Variants in USF1 observed in about 807,000 individuals in gnomAD.
USF1 encodes the protein upstream stimulatory factor 1.
A neutral mutation model predicts 46.3 loss-of-function variants in USF1; 22 were observed. The observed-to-expected ratio is 0.47, with a 90% CI of 0.34 to 0.68. The LOEUF (loss-of-function observed/expected upper bound fraction) is 0.68, where lower values mean the gene tolerates loss of function less well. Ranked by LOEUF, USF1 falls within the 30% of genes least tolerant of loss-of-function variation. The probability of loss-of-function intolerance (pLI) is 0.01; values close to 1 mark genes in which losing one functional copy is unlikely to be tolerated. For synonymous variants in USF1, 150 were observed against 147.0 expected (o/e 1.02, Z -0.15); for missense variants, 287 against 399.3 (o/e 0.72, Z 2.40).
chr1:161,039,814 C>G lies in USF1; in HGVS notation c.*106G>C. On this transcript the variant is annotated 3_prime_UTR_variant, in exon 11 of 11. Coordinates refer to ENST00000368021, the MANE Select transcript of USF1 (RefSeq NM_007122.5). ...AAGGACACACCTTCTGAACTTCCCC[C>G]TGTCCCATGCCAGAAGTGGGGCAGT... 7 of 1,200,824 alleles carry G rather than the reference C, an allele frequency of 5.8e-6. No homozygotes were observed. Among genetic ancestry groups the G allele is most frequent in the Non-Finnish European group, 8.4e-6 (7 of 833,508 alleles). The allele number at this position is 1,200,824 out of a possible 1,614,324, so 74.4% of individuals were successfully genotyped here.
chr1:161,042,678 A>G lies in USF1; in HGVS notation c.59-8T>C. On this transcript the variant is annotated splice_polypyrimidine_tract_variant and splice_region_variant and intron_variant, in intron 3 of 10. Coordinates refer to ENST00000368021, the MANE Select transcript of USF1 (RefSeq NM_007122.5). Reference sequence around the variant, plus strand: ...CCCCAGTAGCCACTGCACCTGAATTAAAAGAACAAAGGAAAAGTCTGTGAG... The same window carrying G: ...CCCCAGTAGCCACTGCACCTGAATTGAAAGAACAAAGGAAAAGTCTGTGAG... 6.2e-7 allele frequency: 1 copy of G among 1,614,172 alleles called. No homozygotes were observed. Among genetic ancestry groups the G allele is most frequent in the Non-Finnish European group, 8.5e-7 (1 of 1,179,988 alleles).
At chr1:161,044,921 C>G (rs1278000361) in intron 1 of USF1, 1 of 152,294 alleles carries the variant, frequency 6.6e-6, no homozygotes. Context: ...CCTTTCCTAT[C>G]CAAGGAAAAT....
chr1:161,039,844 G>T lies in USF1; in HGVS notation c.*76C>A. 1 of 1,504,416 alleles carries T rather than the reference G, an allele frequency of 6.6e-7. No individual in the cohort carries two copies. Among genetic ancestry groups the T allele is most frequent in the Non-Finnish European group, 9.2e-7 (1 of 1,088,312 alleles). 93.2% of individuals were successfully genotyped at this position (1,504,416 alleles called of 1,614,324 possible). ...CCATGCCAGAAGTGGGGCAGTGAAG[G>T]AAAGGGGCACGGGATTAGGCTGTTG... On this transcript the variant is annotated 3_prime_UTR_variant, in exon 11 of 11. Coordinates refer to ENST00000368021, the MANE Select transcript of USF1 (RefSeq NM_007122.5).
At chr1:161,045,574 C>T (rs1351343832) in intron 1 of USF1, among the ~76,000 whole-genome samples, 5 of 152,196 alleles carry the variant, frequency 3.3e-5, no homozygotes, top group African/African-American at 1.2e-4. Flanking sequence ...GCGGAGGAGG[C>T]AGGAAAGGGC....
intron 1 of USF1, chr1:161,045,020 G>C (rs1328381162): frequency 6.6e-6 from 1 of 152,238 alleles, no homozygotes; most frequent in Non-Finnish European, 1.5e-5. Context: ...AAGTAACGCT[G>C]CAAGGAGATC....
At position 161,043,377 on chromosome 1, in the gene USF1, A is replaced by G. The variant is rs1236883097; in HGVS notation, c.-85-17T>C. 1.2e-5 allele frequency: 19 copies of G among 1,585,194 alleles called. No homozygotes were observed. The highest frequency in any genetic ancestry group is 1.6e-5 in the Non-Finnish European group (19 of 1,158,362). ...TGCTAAGTCCTGGTAGAAATCATGA[A>G]GTTTGCAATGAGTTTAGGAAACAGA... On this transcript the variant is annotated splice_polypyrimidine_tract_variant and intron_variant, in intron 1 of 10. Coordinates refer to ENST00000368021, the MANE Select transcript of USF1 (RefSeq NM_007122.5).
Position 161,040,990 on chromosome 1 carries a change from G to A in USF1, c.561-118C>T. 7.6e-7 allele frequency: 1 copy of A among 1,319,288 alleles called. No individual in the cohort carries two copies. Among genetic ancestry groups the A allele is most frequent in the East Asian group, 2.4e-5 (1 of 41,558 alleles). 81.7% of individuals were successfully genotyped at this position (1,319,288 alleles called of 1,614,324 possible). On this transcript the variant is annotated intron_variant, in intron 7 of 10. Transcript: ENST00000368021. This position sits in a 1 kb window ranked among gnomAD's most constrained non-coding sequence, Gnocchi z 4.0. ...AGGACCACTTATGGTAGCTAGGTGT[G>A]GTGTCTCACACCTGTAATCCCAGCA...
At position 161,041,946 on chromosome 1, in the gene USF1, G is replaced by GGAGAGA. The variant is rs144100508; in HGVS notation, c.277-106_277-101dup. ...TATCCGTTGGGGTGGTAGGTAGGGT[G>GGAGAGA]GAGAGAGAGAGAGAGAGAGAGAGAA... On this transcript the variant is annotated intron_variant, in intron 5 of 10. Coordinates refer to ENST00000368021, the MANE Select transcript of USF1 (RefSeq NM_007122.5). The GGAGAGA allele has an allele frequency of 3.2e-5, 39 of 1,222,284 alleles. No homozygotes were observed. The African/African-American group carries it at 4.4e-4, about 14-fold the overall frequency. The allele number at this position is 1,222,284 out of a possible 1,614,324, so 75.7% of individuals were successfully genotyped here.
chr1:161,042,655 C>T lies in USF1; in HGVS notation c.74G>A (p.Gly25Glu). The change falls in exon 4 of 11, where the codon GGG (glycine) becomes GAG (glutamate). Residue 25 changes from glycine (G) to glutamate (E), a missense_variant. Transcript: ENST00000368021. Reference sequence around the variant, plus strand: ...AATAGCCACACTGGTTGGGTCTTCCCCAGTAGCCACTGCACCTGAATTAAA... The same window carrying T: ...AATAGCCACACTGGTTGGGTCTTCCTCAGTAGCCACTGCACCTGAATTAAA... ...VQIQEGAVAT[G>E]EDPTSVAIAS... The T allele has an allele frequency of 6.2e-7, 1 of 1,614,182 alleles. No individual in the cohort carries two copies. The highest frequency in any genetic ancestry group is 8.5e-7 in the Non-Finnish European group (1 of 1,180,044).
At position 161,042,614 on chromosome 1, in the gene USF1, C is replaced by T. The variant is rs747337778; in HGVS notation, c.115G>A (p.Ala39Thr). 3 of 1,614,266 alleles carry T rather than the reference C, an allele frequency of 1.9e-6. No individual in the cohort carries two copies. Among genetic ancestry groups the T allele is most frequent in the Non-Finnish European group, 8.5e-7 (1 of 1,180,046 alleles). Residue 39 changes from alanine to threonine, a missense_variant, in exon 4 of 11, where the codon GCT becomes ACT. Transcript: ENST00000368021. ...TSVAIASIQS[A>T]ATFPDPNVKY... ...ACGTTGGGGTCAGGGAAGGTGGCAG[C>T]TGACTGGATGCTGGCAATAGCCACA... is the stretch of plus-strand genomic sequence containing the variant.
At chr1:161,041,565 G>T (rs2073656) in intron 6 of USF1, 86 bp downstream of exon 6, 1 of 1,524,098 alleles carries the variant, frequency 6.6e-7, no homozygotes, top group Non-Finnish European at 8.9e-7. Context: ...ATCACTAAGA[G>T]TCATGAGTGA....
intron 1 of USF1, among the ~76,000 whole-genome samples, chr1:161,045,213 G>T (rs983414385): frequency 5.3e-5 from 8 of 152,188 alleles, no homozygotes; most frequent in Non-Finnish European, 5.9e-5. Flanking sequence ...AGTCTCTGAG[G>T]ACACCCAGCA....
Position 161,040,468 on chromosome 1 carries a change from GGAGA to G in USF1, c.714+104_714+107del. ...TCTCCCAGGGATACAGGAACCTCAG[GGAGA>G]GATAAGACTACTGTCATGTGTGCCC... On this transcript the variant is annotated intron_variant, in intron 9 of 10. Coordinates refer to ENST00000368021, the MANE Select transcript of USF1 (RefSeq NM_007122.5). This position sits in a 1 kb window ranked among gnomAD's most constrained non-coding sequence, Gnocchi z 4.0. 1 of 1,554,576 alleles carries G rather than the reference GGAGA, an allele frequency of 6.4e-7. No homozygotes were observed. The highest frequency in any genetic ancestry group is 8.7e-7 in the Non-Finnish European group (1 of 1,145,124).
chr1:161,039,721 C>T lies in USF1; in HGVS notation c.*199G>A, dbSNP rs1247577770. 9.9e-6 allele frequency: 6 copies of T among 603,664 alleles called. No individual in the cohort carries two copies. The highest frequency in any genetic ancestry group is 3.7e-5 in the African/African-American group (2 of 53,834). The allele number at this position is 603,664 out of a possible 1,614,324, so 37.4% of individuals were successfully genotyped here. On this transcript the variant is annotated 3_prime_UTR_variant, in exon 11 of 11. Coordinates refer to ENST00000368021, the MANE Select transcript of USF1 (RefSeq NM_007122.5). ...GGCTGCATGGTGGGGGTGGGCAAGG[C>T]TGTCAGTGCACGTCCACATTGTGTG...
Position 161,039,562 on chromosome 1 carries a change from C to T in USF1, c.*358G>A. ...GGAAGTGCCAGAGTCCTGGGGCAAGCCAGAGCATCACCTGTCAGCAAACCT... is the reference window on the plus strand; with the variant it reads ...GGAAGTGCCAGAGTCCTGGGGCAAGTCAGAGCATCACCTGTCAGCAAACCT... On this transcript the variant is annotated 3_prime_UTR_variant, in exon 11 of 11. Coordinates refer to ENST00000368021, the MANE Select transcript of USF1 (RefSeq NM_007122.5). 4.3e-6 allele frequency: 1 copy of T among 232,458 alleles called. No individual in the cohort carries two copies. The highest frequency in any genetic ancestry group is 8.5e-6 in the Non-Finnish European group (1 of 117,646). The allele number at this position is 232,458 out of a possible 1,614,324, so 14.4% of individuals were successfully genotyped here. A position where few individuals can be genotyped will look rare whatever the true frequency, so the allele number is the denominator to read the frequency against.
chr1:161,040,269 T>C lies in USF1; in HGVS notation c.776A>G (p.His259Arg). The change falls in exon 10 of 11, where the codon CAC (histidine) becomes CGC (arginine). Residue 259 changes from histidine to arginine, a missense_variant. Physicochemically the swap from His to Arg is conservative, Grantham distance 29. Transcript: ENST00000368021. This position sits in a 1 kb window ranked among gnomAD's most constrained non-coding sequence, Gnocchi z 4.0. ...DYIQELRQSN[H>R]RLSEELQGLD... ...TCCCTGCAGTTCTTCAGACAAGCGG[T>C]GGTTACTCTGCCGAAGCTCCTGGAT... The C allele has an allele frequency of 6.2e-7, 1 of 1,614,134 alleles. No homozygotes were observed. Among genetic ancestry groups the C allele is most frequent in the South Asian group, 1.1e-5 (1 of 91,074 alleles).
chr1:161,043,128 G>C, intron 2 of USF1, 140 bp downstream of exon 2: 1 of 1,486,640 alleles, frequency 6.7e-7, no homozygotes, highest in Non-Finnish European at 9.3e-7. Context: ...TTTATAGATA[G>C]AGAAACCAAA....
chr1:161,043,029 T>C, intron 2 of USF1, 147 bp from the exon 3 acceptor site: 1 of 1,268,872 alleles, frequency 7.9e-7, no homozygotes, highest in East Asian at 2.3e-5. Context: ...TACTGTTTAC[T>C]ATGTACATAA....
intron 1 of USF1, chr1:161,044,937 A>G (rs2516837): frequency 0.49 from 74,410 of 152,246 alleles, 20,028 homozygotes; most frequent in Non-Finnish European, 0.62. Context: ...AAAATTTTCA[A>G]TGGATAAGCC....
Sources: allele counts gnomAD v4.1 joint callset (sites outside exome capture counted in the v4.1 genomes callset), GRCh38; gene constraint gnomAD v4.1.1; non-coding constraint Gnocchi (gnomAD v3.1); transcripts MANE v1.5; gene names NCBI Gene and HGNC (gene_info 2026-07-23, HGNC 2026-07-21).